Variants in CCNY observed in about 807,000 individuals in gnomAD.
CCNY encodes cyclin-Y.
A neutral mutation model predicts 42.8 loss-of-function variants in CCNY; 19 were observed. That is an observed-to-expected ratio of 0.44 (90% CI 0.31 to 0.65). CCNY has a LOEUF of 0.65. CCNY is among the 30% of genes least tolerant of loss of function. CCNY has a pLI of 0.07. For synonymous variants in CCNY, 165 were observed against 162.7 expected (o/e 1.01, Z -0.11); for missense variants, 370 against 437.3 (o/e 0.85, Z 1.37).
intron 8 of CCNY, among the ~76,000 whole-genome samples, chr10:35,559,162 A>G (rs1841416522): frequency 6.6e-6 from 1 of 152,244 alleles, no homozygotes. Context: ...GTTGTTGGCA[A>G]TATGAATGTC....
intron 1 of CCNY, among the ~76,000 whole-genome samples, chr10:35,370,876 C>T (rs989435684): frequency 4.0e-4 from 60 of 151,658 alleles, no homozygotes; most frequent in Non-Finnish European, 1.6e-4. Context: ...CCACCACGCC[C>T]GGCTAATTTT....
chr10:35,430,959 A>G (rs570213390), intron 1 of CCNY, among the ~76,000 whole-genome samples: 4 of 152,108 alleles, frequency 2.6e-5, no homozygotes, highest in African/African-American at 9.6e-5. Context: ...TCTACTAAAA[A>G]TACAAAAATT....
At chr10:35,312,646 G>T (rs1835701156) in intron 3 of CCNY, among the ~76,000 whole-genome samples, 8 of 151,644 alleles carry the variant, frequency 5.3e-5, no homozygotes, top group Admixed American at 5.3e-4. Context: ...TGGGGTATGT[G>T]CCTCTGCCCC....
intron 1 of CCNY, among the ~76,000 whole-genome samples, chr10:35,363,698 GAC>G (rs1310339713): frequency 6.6e-6 from 1 of 152,164 alleles, no homozygotes; most frequent in Admixed American, 6.5e-5. Context: ...CCCCGAGACT[GAC>G]ACTGTCAGTC....
intron 1 of CCNY, among the ~76,000 whole-genome samples, chr10:35,395,436 C>A (rs930160494): frequency 1.3e-5 from 2 of 152,132 alleles, no homozygotes. Flanking sequence ...ATGGAAATTA[C>A]TAGAGGTAAC....
chr10:35,563,433 TTTC>T (rs761928647), intron 8 of CCNY, among the ~76,000 whole-genome samples: 22 of 152,172 alleles, frequency 1.4e-4, no homozygotes, highest in Non-Finnish European at 2.6e-4. Context: ...CTCTTAGACT[TTTC>T]TTCTTACTAT....
intron 3 of CCNY, among the ~76,000 whole-genome samples, chr10:35,267,121 G>A (rs1407653084): frequency 6.6e-6 from 1 of 151,464 alleles, no homozygotes; most frequent in Non-Finnish European, 1.5e-5. Flanking sequence ...TGGGTAATGA[G>A]GGCACATAGA....
At chr10:35,416,969 A>G (rs115369185) in intron 1 of CCNY, among the ~76,000 whole-genome samples, 2,004 of 152,340 alleles carry the variant, frequency 0.013, 35 homozygotes, top group East Asian at 0.055. Context: ...AACCCATCAA[A>G]CAGTGAAAGT....
At chr10:35,279,901 C>T (rs1835280675) in intron 3 of CCNY, among the ~76,000 whole-genome samples, 1 of 152,206 alleles carries the variant, frequency 6.6e-6, no homozygotes, top group Non-Finnish European at 1.5e-5. Context: ...ATGGCTCCAT[C>T]CCCCAGCTGC....
chr10:35,489,576 G>A (rs557018178), intron 2 of CCNY, among the ~76,000 whole-genome samples: 1 of 152,248 alleles, frequency 6.6e-6, no homozygotes, highest in East Asian at 1.9e-4. Context: ...TTTTATAGAT[G>A]TAAGTGCTGA....
chr10:35,337,080 G>A lies in CCNY; in HGVS notation c.27G>A (p.Val9=), dbSNP rs199867441. The A allele has an allele frequency of 1.1e-5, 17 of 1,590,954 alleles. No homozygotes were observed. The Admixed American group carries it at 2.6e-4, about 24-fold the overall frequency. The change falls in exon 1 of 10, where the codon GTG becomes GTA. Residue 9 remains valine, a synonymous_variant. Transcript: ENST00000374704. ...TGGGGAACACTACCTCGTGCTGCGT[G>A]TCGTCCAGTCCCAAGCTCCGGAGGA... The part of the protein sequence containing the change: MGNTTSCC[V]SSSPKLRRNA...
At chr10:35,547,328 T>C (rs1202093394) in intron 7 of CCNY, among the ~76,000 whole-genome samples, 1 of 152,200 alleles carries the variant, frequency 6.6e-6, no homozygotes, top group East Asian at 1.9e-4. Context: ...AGTGACTTTC[T>C]TTTTTCCACC....
At chr10:35,559,713 G>A (rs1841428106) in intron 8 of CCNY, among the ~76,000 whole-genome samples, 1 of 152,258 alleles carries the variant, frequency 6.6e-6, no homozygotes, top group Non-Finnish European at 1.5e-5. Flanking sequence ...CAGCAGAACT[G>A]TCTGGCATGA....
At chr10:35,301,859 C>G (rs1384331302) in intron 3 of CCNY, among the ~76,000 whole-genome samples, 1 of 152,156 alleles carries the variant, frequency 6.6e-6, no homozygotes, top group African/African-American at 2.4e-5. Flanking sequence ...TTTCAAACTC[C>G]TGGGCTCAAG....
At chr10:35,309,186 CCA>C (rs999330867) in intron 3 of CCNY, among the ~76,000 whole-genome samples, 6 of 152,024 alleles carry the variant, frequency 3.9e-5, no homozygotes, top group Admixed American at 2.0e-4. Context: ...GGAAAAGTGG[CCA>C]CAAAGGGAAA....
At chr10:35,443,474 A>T (rs958038307) in intron 1 of CCNY, among the ~76,000 whole-genome samples, 1 of 152,170 alleles carries the variant, frequency 6.6e-6, no homozygotes, top group African/African-American at 2.4e-5. Context: ...ACACAAACAC[A>T]CACATTAGCC....
rs972561934 is a variant in CCNY at position 35,449,534 on chromosome 10, G to T, written c.155-33870G>T. Among the ~76,000 whole-genome samples the T allele has an allele frequency of 5.3e-5, 8 of 151,954 alleles. 1 individual carries two copies. The South Asian group carries it at 1.0e-3, about 20-fold the overall frequency. On this transcript the variant is annotated intron_variant, in intron 1 of 9. Transcript: ENST00000374704. ...CAGGAAGCAAAGAAATAGAGGGAAGGCTGCAGAGGGGGAGGCTGGTTGAGA... is the reference window on the plus strand; with the variant it reads ...CAGGAAGCAAAGAAATAGAGGGAAGTCTGCAGAGGGGGAGGCTGGTTGAGA...
intron 8 of CCNY, among the ~76,000 whole-genome samples, chr10:35,555,471 T>C (rs1564457123): frequency 6.6e-6 from 1 of 152,182 alleles, no homozygotes; most frequent in Non-Finnish European, 1.5e-5. Context: ...ATAATCACAA[T>C]AACAACAACA....
intron 3 of CCNY, among the ~76,000 whole-genome samples, chr10:35,513,608 C>G (rs996002467): frequency 4.6e-5 from 7 of 152,242 alleles, no homozygotes; most frequent in African/African-American, 9.6e-5. Flanking sequence ...TCTGATAGAC[C>G]CATGAGGTAG....
Sources: allele counts gnomAD v4.1 joint callset (sites outside exome capture counted in the v4.1 genomes callset), GRCh38; gene constraint gnomAD v4.1.1; transcripts MANE v1.5; gene names NCBI Gene and HGNC (gene_info 2026-07-23, HGNC 2026-07-21).